COL6A6: variants seen among roughly 807,000 people sequenced by gnomAD.
COL6A6 encodes collagen alpha-6(VI) chain.
A neutral mutation model predicts 208.6 loss-of-function variants in COL6A6; 183 were observed. The ratio of observed to expected loss-of-function variants is 0.88; its 90% CI spans 0.78 to 0.99. The LOEUF (loss-of-function observed/expected upper bound fraction) is 0.99. COL6A6 is among the 50% of genes least tolerant of loss of function. The pLI, the probability that COL6A6 is intolerant of heterozygous loss-of-function variation, is 0.00. For missense variants in COL6A6, 2,816 were observed against 2,815.2 expected (o/e 1.00, Z -0.01); for synonymous variants, 973 against 1,011.8 (o/e 0.96, Z 0.73).
intron 22 of COL6A6, 24 bp from the exon 23 acceptor site, chr3:130,610,625 A>T (rs1453263276): frequency 1.1e-5 from 17 of 1,536,438 alleles, no homozygotes; most frequent in Non-Finnish European, 1.5e-5. Context: ...GGCAAAAAAT[A>T]ATGCTTTAAT....
chr3:130,585,124 A>C (rs890197065), intron 10 of COL6A6, among the ~76,000 whole-genome samples: 2 of 152,202 alleles, frequency 1.3e-5, no homozygotes, highest in Non-Finnish European at 2.9e-5. Flanking sequence ...TTGGTACCCA[A>C]TTCTCATCAA....
At chr3:130,674,577 A>G (rs559177925) in intron 36 of COL6A6, among the ~76,000 whole-genome samples, 1 of 152,332 alleles carries the variant, frequency 6.6e-6, no homozygotes, top group East Asian at 1.9e-4. Flanking sequence ...AAACATATGG[A>G]TGGATGGACC....
chr3:130,581,678 G>C lies in COL6A6; in HGVS notation c.3665G>C (p.Ser1222Thr), dbSNP rs755865257. The change falls in exon 9 of 37, where the codon AGC becomes ACC. Residue 1222 changes from serine to threonine, a missense_variant. Physicochemically the swap from Ser to Thr is moderately conservative, Grantham distance 58 (BLOSUM62 1). Transcript: ENST00000358511. ...TYLQDILRAI[S>T]SLNGVSCEVG... is the part of the protein sequence containing the mutation. ...CTTCAAGACATCTTACGTGCCATCA[G>C]CTCCCTCAATGGAGTAAGCTGTGAG... is the stretch of plus-strand genomic sequence containing the variant. 1 of 1,613,980 alleles carries C rather than the reference G, an allele frequency of 6.2e-7. No homozygotes were observed. The highest frequency in any genetic ancestry group is 8.5e-7 in the Non-Finnish European group (1 of 1,179,848).
At chr3:130,638,522 C>T (rs755360721) in intron 28 of COL6A6, among the ~76,000 whole-genome samples, 3 of 152,180 alleles carry the variant, frequency 2.0e-5, no homozygotes, top group East Asian at 1.9e-4. Context: ...CTCTCTTCTG[C>T]GTTGGATCTC....
chr3:130,531,903 A>G (rs2062105766), intron 1 of COL6A6, among the ~76,000 whole-genome samples: 1 of 152,208 alleles, frequency 6.6e-6, no homozygotes, highest in Non-Finnish European at 1.5e-5. Context: ...AATACTGTAT[A>G]TGTGTTTTCC....
chr3:130,593,444 C>T (rs1258625300), intron 17 of COL6A6, among the ~76,000 whole-genome samples, 192 bp downstream of exon 17: 2 of 152,162 alleles, frequency 1.3e-5, no homozygotes, highest in African/African-American at 2.4e-5. Context: ...GGACATGGCT[C>T]ATGTCTGTAA....
rs768521292 is a variant in COL6A6 at position 130,568,305 on chromosome 3, C to T, written c.2102C>T (p.Thr701Ile). The T allele has an allele frequency of 6.2e-7, 1 of 1,614,002 alleles. No homozygotes were observed. The highest frequency in any genetic ancestry group is 1.7e-5 in the Admixed American group (1 of 60,026). ...QMAHIGQTTLTGSALSFVSQY... is the reference protein window; with the variant it reads ...QMAHIGQTTLIGSALSFVSQY... ...GCTCACATTGGACAAACCACCCTGA[C>T]TGGTAGTGCCCTGAGCTTTGTGTCT... is the stretch of plus-strand genomic sequence containing the variant. The change falls in exon 6 of 37, where the codon ACT (threonine) becomes ATT (isoleucine). Residue 701 changes from threonine (T) to isoleucine (I), a missense_variant. Physicochemically the swap from Thr to Ile is moderately conservative, Grantham distance 89 (BLOSUM62 -1). Coordinates refer to ENST00000358511, the MANE Select transcript of COL6A6 (RefSeq NM_001102608.3).
chr3:130,555,669 TGTTAG>T (rs886070006), intron 1 of COL6A6, among the ~76,000 whole-genome samples: 2 of 152,232 alleles, frequency 1.3e-5, no homozygotes, highest in African/African-American at 2.4e-5. Context: ...ATATATCTTC[TGTTAG>T]GTTAAGTAAG....
chr3:130,520,742 A>G (rs949385065), intron 1 of COL6A6, among the ~76,000 whole-genome samples: 2 of 152,218 alleles, frequency 1.3e-5, no homozygotes, highest in African/African-American at 2.4e-5. Flanking sequence ...TCTCGGGACA[A>G]GATAAAGGAG....
At chr3:130,532,468 C>T (rs1005672994) in intron 1 of COL6A6, among the ~76,000 whole-genome samples, 8 of 152,150 alleles carry the variant, frequency 5.3e-5, no homozygotes, top group African/African-American at 1.2e-4. Flanking sequence ...TCATGATGTC[C>T]GGGGCTGTCT....
chr3:130,587,414 A>G (rs1240882584), intron 11 of COL6A6, among the ~76,000 whole-genome samples: 1 of 152,220 alleles, frequency 6.6e-6, no homozygotes, highest in Non-Finnish European at 1.5e-5. Context: ...GGCGCCCGCC[A>G]CCATGCCCGG....
intron 10 of COL6A6, among the ~76,000 whole-genome samples, chr3:130,586,134 T>G (rs987479002): frequency 6.6e-6 from 1 of 152,108 alleles, no homozygotes; most frequent in African/African-American, 2.4e-5. Context: ...TTGTAAAATT[T>G]TGTAAATTTT....
chr3:130,530,131 G>A (rs1418151086), intron 1 of COL6A6, among the ~76,000 whole-genome samples: 1 of 152,176 alleles, frequency 6.6e-6, no homozygotes, highest in Non-Finnish European at 1.5e-5. Flanking sequence ...CACAGGTTAG[G>A]GTATGGACTC....
chr3:130,641,765 A>G (rs550490761), intron 29 of COL6A6, 51 bp downstream of exon 29: 2 of 1,128,886 alleles, frequency 1.8e-6, no homozygotes, highest in African/African-American at 1.6e-5. Context: ...TTAAAAAAAA[A>G]AAAGTCAGTG....
intron 18 of COL6A6, among the ~76,000 whole-genome samples, chr3:130,597,709 G>A (rs138819141): frequency 1.3e-5 from 2 of 152,342 alleles, no homozygotes; most frequent in East Asian, 3.9e-4. Context: ...ATCCCACAAC[G>A]TATGCTTGTT....
At chr3:130,624,128 A>G (rs947609165) in intron 24 of COL6A6, among the ~76,000 whole-genome samples, 6 of 152,180 alleles carry the variant, frequency 3.9e-5, no homozygotes, top group African/African-American at 1.4e-4. Flanking sequence ...TTTAAGGGGA[A>G]GAAGAAGACA....
At position 130,662,295 on chromosome 3, in the gene COL6A6, A is replaced by G. The variant is rs1479305350; in HGVS notation, c.6489A>G (p.Ile2163Met). 4 of 1,612,658 alleles carry G rather than the reference A, an allele frequency of 2.5e-6. No homozygotes were observed. The Admixed American group carries it at 5.0e-5, about 20-fold the overall frequency. The change falls in exon 35 of 37, where the codon ATA becomes ATG. Residue 2163 changes from isoleucine (I) to methionine (M), a missense_variant. Coordinates refer to ENST00000358511, the MANE Select transcript of COL6A6 (RefSeq NM_001102608.3). ...GTGTGAAGTTTGTGAAGTCCTTTAT[A>G]AACTCAATCAGGCGTAAGTCATAAA... ...SYGVKFVKSFINSIRRAINKY... is the reference protein window; with the variant it reads ...SYGVKFVKSFMNSIRRAINKY...
chr3:130,556,831 C>T (rs1399444889), intron 1 of COL6A6, among the ~76,000 whole-genome samples: 1 of 152,192 alleles, frequency 6.6e-6, no homozygotes, highest in Non-Finnish European at 1.5e-5. Context: ...GCGCTGAAGA[C>T]ATGCTCCCTC....
chr3:130,586,613 C>A lies in COL6A6; in HGVS notation c.4078C>A (p.Leu1360Ile). ...FGKGFEYRTQLSIGMRELGSR... is the reference protein window; with the variant it reads ...FGKGFEYRTQISIGMRELGSR... ...GAAAGGATTTGAGTACAGGACACAG[C>A]TCTCTATTGGCATGAGAGAACTTGG... The change falls in exon 11 of 37, where the codon CTC becomes ATC. Residue 1360 changes from leucine (L) to isoleucine (I), a missense_variant. Coordinates refer to ENST00000358511, the MANE Select transcript of COL6A6 (RefSeq NM_001102608.3). 2 of 1,613,878 alleles carry A rather than the reference C, an allele frequency of 1.2e-6. No individual in the cohort carries two copies. Among genetic ancestry groups the A allele is most frequent in the Non-Finnish European group, 1.7e-6 (2 of 1,179,830 alleles).
Sources: gnomAD v4.1 joint callset for allele counts (sites outside exome capture counted in the v4.1 genomes callset) on GRCh38, gnomAD v4.1.1 for gene constraint, MANE v1.5 for transcripts, NCBI Gene and HGNC (gene_info 2026-07-23, HGNC 2026-07-21) for gene names.